The following KMT2C variants were observed in gnomAD, a reference collection of about 807,000 sequenced individuals.
KMT2C encodes the protein histone-lysine N-methyltransferase 2C.
In KMT2C, 88 loss-of-function variants were observed where a neutral mutation model predicts 507.9. The observed-to-expected ratio is 0.17, with a 90% CI of 0.15 to 0.21. The LOEUF (loss-of-function observed/expected upper bound fraction) is 0.21, where lower values mean the gene tolerates loss of function less well. Ranked by LOEUF, KMT2C falls within the 10% of genes least tolerant of loss-of-function variation. The pLI, the probability that KMT2C is intolerant of heterozygous loss-of-function variation, is 1.00. For synonymous variants in KMT2C, 2,049 were observed against 2,080.8 expected (o/e 0.98, Z 0.42); for missense variants, 4,954 against 5,957.8 (o/e 0.83, Z 5.55).
chr7:152,202,955 T>G lies in KMT2C; in HGVS notation c.4071A>C (p.Glu1357Asp). 6.2e-7 allele frequency: 1 copy of G among 1,604,340 alleles called. No homozygotes were observed. Among genetic ancestry groups the G allele is most frequent in the Non-Finnish European group, 8.5e-7 (1 of 1,173,246 alleles). ...TTACTTGTAAATAGGCAGGGAAAGT[T>G]TCTTCAAGCTTATTTTTCCTTTTTC... ...RYRKRKNKLE[E>D]TFPAYLQEAF... The change falls in exon 26 of 59, where the codon GAA (glutamate) becomes GAC (aspartate). Residue 1357 changes from glutamate to aspartate, a missense_variant. By Grantham distance (45) the Glu-to-Asp change is conservative (BLOSUM62 2). Coordinates refer to ENST00000262189, the MANE Select transcript of KMT2C (RefSeq NM_170606.3).
intron 23 of KMT2C, among the ~76,000 whole-genome samples, chr7:152,215,272 G>C (rs2094543891): frequency 6.6e-6 from 1 of 151,972 alleles, no homozygotes; most frequent in Non-Finnish European, 1.5e-5. Flanking sequence ...CCAGCACTTT[G>C]GGAGGCCGAG....
intron 16 of KMT2C, among the ~76,000 whole-genome samples, chr7:152,233,778 G>T (rs1347089147): frequency 6.6e-6 from 1 of 152,166 alleles, no homozygotes; most frequent in Admixed American, 6.5e-5. Flanking sequence ...TTTCTTGAAA[G>T]ATGCAAATTT....
chr7:152,392,412 G>T (rs2097506219), intron 1 of KMT2C, among the ~76,000 whole-genome samples: 3 of 152,096 alleles, frequency 2.0e-5, no homozygotes, highest in Non-Finnish European at 4.4e-5. Context: ...CTGTTTCATA[G>T]CCACTTCACA....
At chr7:152,217,490 T>C (rs2094614587) in intron 23 of KMT2C, among the ~76,000 whole-genome samples, 1 of 152,230 alleles carries the variant, frequency 6.6e-6, no homozygotes, top group Non-Finnish European at 1.5e-5. Flanking sequence ...TGTGAGATCC[T>C]GGCACGTAAA....
intron 19 of KMT2C, 88 bp from the exon 20 acceptor site, chr7:152,224,267 T>C (rs1378644446): frequency 1.8e-5 from 25 of 1,360,454 alleles, no homozygotes; most frequent in Non-Finnish European, 2.0e-5. Context: ...ACGAACATAA[T>C]GGGGGAAATG....
chr7:152,317,418 A>G (rs1459519470), intron 3 of KMT2C, among the ~76,000 whole-genome samples: 1 of 152,194 alleles, frequency 6.6e-6, no homozygotes, highest in East Asian at 1.9e-4. Context: ...TAACCCAACC[A>G]GAGAATCTGC....
rs2093903770 is a variant in KMT2C at position 152,194,455 on chromosome 7, T to G, written c.4492A>C (p.Lys1498Gln). 1 of 1,613,586 alleles carries G rather than the reference T, an allele frequency of 6.2e-7. No homozygotes were observed. The highest frequency in any genetic ancestry group is 2.2e-5 in the East Asian group (1 of 44,818). The change falls in exon 29 of 59, where the codon AAA (lysine) becomes CAA (glutamine). Residue 1498 changes from lysine to glutamine, a missense_variant. Around this residue, in one of 29 missense-constraint regions of KMT2C, gnomAD observed 195 missense variants for 183.7 expected, o/e 1.06. Transcript: ENST00000262189. Reference sequence around the variant, plus strand: ...AATATTTTACCATCTGTGACCATTTTGTCTAGTTCAGGACTGAGGATCCCA... The same window carrying G: ...AATATTTTACCATCTGTGACCATTTGGTCTAGTTCAGGACTGAGGATCCCA... ...LDGILSPELDKMVTDGAILGK... is the reference protein window; with the variant it reads ...LDGILSPELDQMVTDGAILGK...
intron 28 of KMT2C, among the ~76,000 whole-genome samples, 178 bp from the exon 29 acceptor site, chr7:152,194,746 A>G (rs2093912303): frequency 6.6e-6 from 1 of 152,058 alleles, no homozygotes; most frequent in Non-Finnish European, 1.5e-5. Flanking sequence ...AAAATTAGGC[A>G]CAATATATTT....
intron 43 of KMT2C, among the ~76,000 whole-genome samples, chr7:152,160,531 A>C (rs891889214): frequency 4.6e-5 from 7 of 151,950 alleles, no homozygotes; most frequent in Admixed American, 1.3e-4. Flanking sequence ...GAGATTCTGC[A>C]TGTGTTACAA....
intron 23 of KMT2C, among the ~76,000 whole-genome samples, chr7:152,210,917 T>C (rs1285050813): frequency 6.6e-6 from 1 of 152,100 alleles, no homozygotes; most frequent in Non-Finnish European, 1.5e-5. Flanking sequence ...AAAAACTGAG[T>C]ATGTTTCACA....
intron 1 of KMT2C, among the ~76,000 whole-genome samples, chr7:152,386,897 T>C (rs2097433716): frequency 6.6e-6 from 1 of 152,202 alleles, no homozygotes; most frequent in Non-Finnish European, 1.5e-5. Flanking sequence ...GGATCTTAAG[T>C]GACTTCCAAG....
At chr7:152,234,223 C>CA (rs920228510) in intron 16 of KMT2C, among the ~76,000 whole-genome samples, 9 of 150,532 alleles carry the variant, frequency 6.0e-5, no homozygotes, top group East Asian at 2.0e-4. Context: ...ACTAAAAATA[C>CA]AAAAAAAAAT....
At chr7:152,415,633 C>T (rs1390265327) in intron 1 of KMT2C, among the ~76,000 whole-genome samples, 4 of 152,158 alleles carry the variant, frequency 2.6e-5, no homozygotes, top group Admixed American at 6.5e-5. Context: ...GTAATCCCAA[C>T]GCTTTGGGAG....
chr7:152,417,951 TAAA>T (rs748980838), intron 1 of KMT2C, among the ~76,000 whole-genome samples: 6 of 110,956 alleles, frequency 5.4e-5, no homozygotes, highest in Admixed American at 9.5e-5. Context: ...CTCTTTCTTT[TAAA>T]AAAAAAAAAA....
chr7:152,147,943 T>C, intron 52 of KMT2C, 90 bp downstream of exon 52: 1 of 1,355,326 alleles, frequency 7.4e-7, no homozygotes, highest in Non-Finnish European at 9.9e-7. Flanking sequence ...AAAACTAACA[T>C]GAGACAAACA....
In KMT2C at chr7:152,187,407, A is replaced by G; in HGVS notation, c.4863T>C (p.Thr1621=). 6.2e-7 allele frequency: 1 copy of G among 1,614,070 alleles called. No individual in the cohort carries two copies. ...ACATTGTGTCATTTTCTCCTTCCACAGTGGGAGCTGATGATGTCCAAGAGT... is the reference window on the plus strand; with the variant it reads ...ACATTGTGTCATTTTCTCCTTCCACGGTGGGAGCTGATGATGTCCAAGAGT... ...PNNSWTSSAP[T]VEGENDTMSN... is the part of the protein sequence containing the mutation. Residue 1621 remains threonine (T), a synonymous_variant, in exon 33 of 59, where the codon ACT becomes ACC. Transcript: ENST00000262189.
At chr7:152,330,169 T>TGGGGGGGGGG (rs376494504) in intron 3 of KMT2C, among the ~76,000 whole-genome samples, 3 of 41,006 alleles carry the variant, frequency 7.3e-5, no homozygotes, top group Non-Finnish European at 1.3e-4. Context: ...GGAGGGGTGG[T>TGGGGGGGGGG]GGGGGGGGGG....
intron 2 of KMT2C, among the ~76,000 whole-genome samples, chr7:152,334,041 T>C (rs1457164437): frequency 6.6e-6 from 1 of 151,778 alleles, no homozygotes; most frequent in African/African-American, 2.4e-5. Context: ...ATGAACAAAA[T>C]GAATGTGTCA....
At chr7:152,164,911 G>A (rs1022294985) in intron 42 of KMT2C, among the ~76,000 whole-genome samples, 1 of 152,160 alleles carries the variant, frequency 6.6e-6, no homozygotes, top group African/African-American at 2.4e-5. Context: ...GGGAAAGAAG[G>A]AATGCAAAAG....
Sources: gnomAD v4.1 joint callset for allele counts (sites outside exome capture counted in the v4.1 genomes callset) on GRCh38, gnomAD v4.1.1 for gene constraint, gnomAD v4.1.1 regional missense constraint, MANE v1.5 for transcripts, NCBI Gene and HGNC (gene_info 2026-07-23, HGNC 2026-07-21) for gene names.